Variants in DAB1 observed in about 807,000 individuals in gnomAD.
DAB1 encodes disabled homolog 1.
In DAB1, 15 loss-of-function variants were observed where a neutral mutation model predicts 64.6. The ratio of observed to expected loss-of-function variants is 0.23; its 90% CI spans 0.16 to 0.36. The LOEUF (loss-of-function observed/expected upper bound fraction) is 0.36. Among genes scored for constraint, DAB1 ranks in the 10% least tolerant of loss-of-function variants. DAB1 has a pLI of 1.00. For synonymous variants in DAB1, 235 were observed against 251.9 expected (o/e 0.93, Z 0.64); for missense variants, 596 against 706.7 (o/e 0.84, Z 1.78).
At chr1:58,355,033 A>G (rs1349310294) in intron 3 of DAB1, among the ~76,000 whole-genome samples, 1 of 152,180 alleles carries the variant, frequency 6.6e-6, no homozygotes, top group East Asian at 1.9e-4. Flanking sequence ...TTTCCTGAAT[A>G]ACTCAATGGA....
rs546728906 is a variant in DAB1 at position 58,454,011 on chromosome 1, C to T, written n.257+52049G>A. Reference sequence around the variant, plus strand: ...CCCCAAGTCTTCCAGCTCCACATCACCTCCGTGCTACACACTAGCAGCAGT... The same window carrying T: ...CCCCAAGTCTTCCAGCTCCACATCATCTCCGTGCTACACACTAGCAGCAGT... On this transcript the variant is annotated intron_variant and non_coding_transcript_variant, in intron 3 of 20. Transcript: ENST00000485760. Among the ~76,000 whole-genome samples, 36 of 152,198 alleles carry T rather than the reference C, an allele frequency of 2.4e-4. No individual in the cohort carries two copies. In the South Asian group the frequency reaches 7.5e-3, roughly 32 times the overall value.
At chr1:57,651,393 A>G (rs968960836) in intron 6 of DAB1, among the ~76,000 whole-genome samples, 5 of 151,824 alleles carry the variant, frequency 3.3e-5, no homozygotes, top group African/African-American at 1.2e-4. Flanking sequence ...TGAATGGTCG[A>G]CTCCCTGTTC....
At chr1:57,724,099 C>G (rs1647180165) in intron 6 of DAB1, among the ~76,000 whole-genome samples, 1 of 152,066 alleles carries the variant, frequency 6.6e-6, no homozygotes, top group Admixed American at 6.6e-5. Flanking sequence ...GATGGATGGA[C>G]AAGCCGGGGT....
Position 57,545,496 on chromosome 1 carries a change from C to T in DAB1, n.625+104096G>A, listed in dbSNP as rs545185091. Reference sequence around the variant, plus strand: ...CCATGTGCTGGGAACTTCCCTCAGTCCTGGACAAACCAGAACAGTTGGTCA... The same window carrying T: ...CCATGTGCTGGGAACTTCCCTCAGTTCTGGACAAACCAGAACAGTTGGTCA... On this transcript the variant is annotated intron_variant and non_coding_transcript_variant, in intron 7 of 20. Coordinates refer to the DAB1 transcript ENST00000485760. 2.0e-5 allele frequency among the ~76,000 whole-genome samples: 3 copies of T among 152,170 alleles called. No homozygotes were observed. The East Asian group carries it at 5.8e-4, about 29-fold the overall frequency.
chr1:57,419,202 G>A (rs1263664345), intron 1 of DAB1, among the ~76,000 whole-genome samples: 1 of 152,128 alleles, frequency 6.6e-6, no homozygotes, highest in Admixed American at 6.5e-5. Context: ...CTCTATCCTG[G>A]TATAGGAGAC....
chr1:58,242,463 G>T (rs753459935), intron 4 of DAB1, among the ~76,000 whole-genome samples: 1 of 151,912 alleles, frequency 6.6e-6, no homozygotes, highest in Non-Finnish European at 1.5e-5. Flanking sequence ...TCCATACCAA[G>T]GCAGAGTATA....
At chr1:57,012,566 C>T (rs1344512220) in intron 12 of DAB1, among the ~76,000 whole-genome samples, 1 of 152,154 alleles carries the variant, frequency 6.6e-6, no homozygotes, top group Non-Finnish European at 1.5e-5. Flanking sequence ...CTTCCCAAAA[C>T]ATTCTTAAGG....
intron 4 of DAB1, among the ~76,000 whole-genome samples, chr1:57,074,702 C>G (rs139558677): frequency 6.6e-6 from 1 of 152,186 alleles, no homozygotes; most frequent in Non-Finnish European, 1.5e-5. Flanking sequence ...CCACTGGCCA[C>G]TGGATATCAT....
chr1:58,272,911 G>C (rs1474682854), intron 4 of DAB1, among the ~76,000 whole-genome samples: 1 of 84,094 alleles, frequency 1.2e-5, no homozygotes, highest in Non-Finnish European at 2.3e-5. Context: ...GTCTCTGCAC[G>C]TGAGATGGGT....
At chr1:57,212,617 T>C (rs1409027864) in intron 2 of DAB1, among the ~76,000 whole-genome samples, 2 of 152,058 alleles carry the variant, frequency 1.3e-5, no homozygotes, top group Non-Finnish European at 2.9e-5. Flanking sequence ...CCCACCCGCC[T>C]CGGCCTCTCA....
chr1:57,706,249 CTCTT>C lies in DAB1; in HGVS notation n.552-56588_552-56585del, dbSNP rs569219356. ...TCTTCCTTCCTTCTTCCCTCCTTCT[CTCTT>C]TCTCTACTTTTTTTCTCTTTCTCTT... On this transcript the variant is annotated intron_variant and non_coding_transcript_variant, in intron 6 of 20. Coordinates refer to the DAB1 transcript ENST00000485760. Among the ~76,000 whole-genome samples the C allele has an allele frequency of 5.9e-5, 9 of 152,016 alleles. No individual in the cohort carries two copies. The East Asian group carries it at 1.7e-3, about 29-fold the overall frequency.
intron 2 of DAB1, among the ~76,000 whole-genome samples, chr1:57,267,623 C>G (rs1011643976): frequency 1.3e-5 from 2 of 152,212 alleles, no homozygotes; most frequent in African/African-American, 2.4e-5. Flanking sequence ...GGTTCTACCT[C>G]TGGTTCTACC....
At chr1:57,110,826 G>A (rs564691) in intron 4 of DAB1, among the ~76,000 whole-genome samples, 113,590 of 151,966 alleles carry the variant, frequency 0.75, 42,594 homozygotes, top group East Asian at 0.95. Flanking sequence ...ATGCCCACTC[G>A]CAGATGACAA....
intron 9 of DAB1, among the ~76,000 whole-genome samples, chr1:57,052,792 C>T (rs1649322935): frequency 6.6e-6 from 1 of 152,214 alleles, no homozygotes; most frequent in South Asian, 2.1e-4. Flanking sequence ...TGATCCATTG[C>T]TTGAATACTC....
At chr1:58,352,767 G>A (rs1398477484) in intron 3 of DAB1, among the ~76,000 whole-genome samples, 2 of 152,114 alleles carry the variant, frequency 1.3e-5, no homozygotes, top group Non-Finnish European at 2.9e-5. Flanking sequence ...GGGCCTTTGA[G>A]AGGTGATGAG....
intron 4 of DAB1, among the ~76,000 whole-genome samples, chr1:58,253,537 C>G (rs980867676): frequency 6.6e-6 from 1 of 152,240 alleles, no homozygotes; most frequent in East Asian, 1.9e-4. Flanking sequence ...CATCACATCA[C>G]CACTGATAAA....
intron 7 of DAB1, among the ~76,000 whole-genome samples, chr1:57,480,744 C>T (rs1031721635): frequency 6.6e-6 from 1 of 152,124 alleles, no homozygotes; most frequent in South Asian, 2.1e-4. Flanking sequence ...CTTGGCTTCA[C>T]AAAGTGTTGC....
intron 7 of DAB1, among the ~76,000 whole-genome samples, chr1:57,456,226 G>A (rs1483389519): frequency 6.6e-6 from 1 of 152,112 alleles, no homozygotes; most frequent in Non-Finnish European, 1.5e-5. Flanking sequence ...TCTTTTCAAA[G>A]CTAAACATTC....
At chr1:57,546,066 AGT>A (rs61208960) in intron 7 of DAB1, among the ~76,000 whole-genome samples, 10,431 of 146,822 alleles carry the variant, frequency 0.071, 476 homozygotes, top group Admixed American at 0.16. Flanking sequence ...AGCAGAGGGG[AGT>A]GTGTGTGTGT....
Sources: allele counts gnomAD v4.1 joint callset (sites outside exome capture counted in the v4.1 genomes callset), GRCh38; gene constraint gnomAD v4.1.1; transcripts MANE v1.5; gene names NCBI Gene and HGNC (gene_info 2026-07-23, HGNC 2026-07-21).